MAP2: variants seen among roughly 807,000 people sequenced by gnomAD.
MAP2 encodes the protein microtubule associated protein 2, also known as microtubule-associated protein 2.
MAP2 carries 14 observed loss-of-function variants against 137.6 expected under a neutral mutation model. That is an observed-to-expected ratio of 0.10 (90% CI 0.07 to 0.16). The LOEUF is 0.16. MAP2 is among the 10% of genes least tolerant of loss of function. The probability of loss-of-function intolerance (pLI) is 1.00; values close to 1 mark genes in which losing one functional copy is unlikely to be tolerated. For missense variants in MAP2, 2,088 were observed against 2,191.5 expected (o/e 0.95, Z 0.94); for synonymous variants, 786 against 782.3 (o/e 1.00, Z -0.08).
At chr2:209,448,668 C>A (rs1231345550) in intron 1 of MAP2, among the ~76,000 whole-genome samples, 1 of 152,124 alleles carries the variant, frequency 6.6e-6, no homozygotes, top group Non-Finnish European at 1.5e-5. Context: ...TTTGTGGCTA[C>A]ATCACTCCAA....
chr2:209,658,267 A>G (rs1185926877), intron 5 of MAP2, among the ~76,000 whole-genome samples: 1 of 152,156 alleles, frequency 6.6e-6, no homozygotes. Flanking sequence ...ATCATTGTGC[A>G]TGTGACTTAA....
rs372111314 is a variant in MAP2 at position 209,696,064 on chromosome 2, A to G, written c.3894A>G (p.Thr1298=). ...ATTTCATCACTGTAGTGCAAACCAC[A>G]ACTGATGAAGGGGAGTCAGGGTCCC... is the stretch of plus-strand genomic sequence containing the variant. The part of the protein sequence containing the change: ...EDDFITVVQT[T]TDEGESGSHS... The change falls in exon 8 of 16, where the codon ACA becomes ACG. Residue 1298 remains threonine (T), a synonymous_variant. Coordinates refer to ENST00000682079, the MANE Select transcript of MAP2 (RefSeq NM_001375505.1). 1.9e-6 allele frequency: 3 copies of G among 1,613,992 alleles called. No individual in the cohort carries two copies. The African/African-American group carries it at 4.0e-5, about 22-fold the overall frequency.
chr2:209,688,339 TTTTTTCCTCCTTAGACACA>T (rs918838498), intron 7 of MAP2, among the ~76,000 whole-genome samples: 16 of 152,286 alleles, frequency 1.1e-4, no homozygotes, highest in African/African-American at 3.6e-4. Context: ...TGAATATAAT[TTTTTTCCTCCTTAGACACA>T]TAATATTACT....
chr2:209,666,472 C>A (rs751644062), intron 5 of MAP2, among the ~76,000 whole-genome samples: 2 of 151,954 alleles, frequency 1.3e-5, no homozygotes, highest in African/African-American at 2.4e-5. Context: ...AAGAGGATAA[C>A]GAGAAAGGAA....
chr2:209,562,769 G>A (rs1376109348), intron 2 of MAP2, among the ~76,000 whole-genome samples: 1 of 151,780 alleles, frequency 6.6e-6, no homozygotes, highest in Non-Finnish European at 1.5e-5. Flanking sequence ...TGCCTCAAAA[G>A]CCCAGCGGTG....
intron 11 of MAP2, among the ~76,000 whole-genome samples, chr2:209,702,617 G>C (rs984636332): frequency 2.6e-5 from 4 of 151,858 alleles, no homozygotes; most frequent in African/African-American, 9.7e-5. Flanking sequence ...TGCATTTCAC[G>C]TGGGTTTTTC....
intron 2 of MAP2, among the ~76,000 whole-genome samples, chr2:209,519,507 G>A (rs1576944854): frequency 6.6e-6 from 1 of 152,136 alleles, no homozygotes; most frequent in Middle Eastern, 3.4e-3. Context: ...CTTGATGTTT[G>A]CATTTCAAAA....
intron 5 of MAP2, among the ~76,000 whole-genome samples, chr2:209,661,074 A>G (rs764658505): frequency 2.6e-5 from 4 of 152,206 alleles, no homozygotes; most frequent in Non-Finnish European, 4.4e-5. Context: ...TTGAAAACAC[A>G]TGAAGGAAAA....
chr2:209,467,565 G>A, intron 1 of MAP2, among the ~76,000 whole-genome samples: 1 of 151,926 alleles, frequency 6.6e-6, no homozygotes, highest in East Asian at 1.9e-4. Flanking sequence ...CCTTTGTTAT[G>A]CTACTCTTTC....
At chr2:209,681,165 A>G (rs1281156640) in intron 7 of MAP2, among the ~76,000 whole-genome samples, 2 of 152,212 alleles carry the variant, frequency 1.3e-5, no homozygotes, top group Non-Finnish European at 2.9e-5. Context: ...AACAAAAATT[A>G]AAATAAATAT....
At chr2:209,449,800 G>T (rs1049561142) in intron 1 of MAP2, among the ~76,000 whole-genome samples, 15 of 152,218 alleles carry the variant, frequency 9.9e-5, no homozygotes, top group Admixed American at 7.2e-4. Flanking sequence ...TGTCTGAAAA[G>T]ATTTTGTATT....
rs1217732040 is a variant in MAP2 at position 209,729,721 on chromosome 2, A to T, written c.5156-129A>T. The T allele has an allele frequency of 1.9e-5, 12 of 623,718 alleles. 1 individual carries two copies. Among genetic ancestry groups the T allele is most frequent in the East Asian group, 8.4e-5 (3 of 35,632 alleles). 38.6% of individuals were successfully genotyped at this position (623,718 alleles called of 1,614,324 possible). ...AAATTCTAAAAGACTCTTTTTACAT[A>T]TATGGTTGGAGGGATGGTAAAGTTA... On this transcript the variant is annotated intron_variant, in intron 14 of 15. Coordinates refer to ENST00000682079, the MANE Select transcript of MAP2 (RefSeq NM_001375505.1).
chr2:209,585,415 A>G (rs1446358714), intron 3 of MAP2, among the ~76,000 whole-genome samples: 2 of 152,134 alleles, frequency 1.3e-5, no homozygotes, highest in Non-Finnish European at 2.9e-5. Context: ...ATAAATCCAC[A>G]TTTTGTAAAA....
chr2:209,430,461 A>C (rs902677286), intron 1 of MAP2, among the ~76,000 whole-genome samples: 1 of 152,054 alleles, frequency 6.6e-6, no homozygotes, highest in African/African-American at 2.4e-5. Flanking sequence ...ATTATTATGC[A>C]ATCAGTTGAT....
In MAP2 at chr2:209,695,448, G is replaced by A; in HGVS notation, c.3278G>A (p.Gly1093Asp). 6.2e-7 allele frequency: 1 copy of A among 1,614,028 alleles called. No individual in the cohort carries two copies. Residue 1093 changes from glycine (G) to aspartate (D), a missense_variant, in exon 8 of 16, where the codon GGT becomes GAT. Gly to Asp is a moderately conservative substitution (Grantham distance 94). Around this residue, in one of 6 missense-constraint regions of MAP2, gnomAD observed 500 missense variants for 482.9 expected, o/e 1.04. Coordinates refer to ENST00000682079, the MANE Select transcript of MAP2 (RefSeq NM_001375505.1). ...CCGCAGGAGGCAGATGCATTTATGG[G>A]TGTTGAGTCTGGCCACATGAAAGAA... ...KAPQEADAFMGVESGHMKEGT... is the reference protein window; with the variant it reads ...KAPQEADAFMDVESGHMKEGT...
At chr2:209,455,003 C>A (rs1476679986) in intron 1 of MAP2, among the ~76,000 whole-genome samples, 1 of 152,120 alleles carries the variant, frequency 6.6e-6, no homozygotes, top group African/African-American at 2.4e-5. Context: ...TTGCTGTGTC[C>A]CCACATGGTG....
intron 2 of MAP2, among the ~76,000 whole-genome samples, chr2:209,576,682 G>T (rs1377602125): frequency 6.6e-6 from 1 of 152,192 alleles, no homozygotes; most frequent in African/African-American, 2.4e-5. Context: ...TGGATGAATG[G>T]TGGTAATCCA....
At chr2:209,491,749 A>C (rs2059142295) in intron 1 of MAP2, among the ~76,000 whole-genome samples, 1 of 152,222 alleles carries the variant, frequency 6.6e-6, no homozygotes, top group African/African-American at 2.4e-5. Flanking sequence ...AATCAGGAAG[A>C]AGTCGAATCC....
chr2:209,567,897 T>A (rs1039325571), intron 2 of MAP2, among the ~76,000 whole-genome samples: 1 of 152,052 alleles, frequency 6.6e-6, no homozygotes, highest in Non-Finnish European at 1.5e-5. Context: ...GAAGTTTTAG[T>A]AGAAATAGAA....
Sources: allele counts gnomAD v4.1 joint callset (sites outside exome capture counted in the v4.1 genomes callset), GRCh38; gene constraint gnomAD v4.1.1; regional missense constraint gnomAD v4.1.1; transcripts MANE v1.5; gene names NCBI Gene and HGNC (gene_info 2026-07-23, HGNC 2026-07-21).